The following CDH6 variants were observed in gnomAD, a reference collection of about 807,000 sequenced individuals.
CDH6 encodes cadherin-6.
Under a neutral mutation model 78.0 loss-of-function variants are expected in CDH6, and 31 were observed. The ratio of observed to expected loss-of-function variants is 0.40; its 90% CI spans 0.30 to 0.54. The LOEUF (loss-of-function observed/expected upper bound fraction) is 0.54. CDH6 is among the 20% of genes least tolerant of loss of function. CDH6 has a pLI of 0.56. For missense variants in CDH6, 724 were observed against 975.9 expected (o/e 0.74, Z 3.44); for synonymous variants, 376 against 368.8 (o/e 1.02, Z -0.23).
intron 5 of CDH6, among the ~76,000 whole-genome samples, chr5:31,301,537 A>G (rs1296719950): frequency 6.6e-6 from 1 of 152,198 alleles, no homozygotes. Context: ...AAAATTTAAG[A>G]GTCAAAAGAA....
In CDH6 at chr5:31,299,517, C is replaced by A. The variant is rs773244513; in HGVS notation, c.697C>A (p.Gln233Lys). 1.9e-5 allele frequency: 31 copies of A among 1,613,442 alleles called. No individual in the cohort carries two copies. The Middle Eastern group carries it at 6.6e-4, about 34-fold the overall frequency. The change falls in exon 5 of 12, where the codon CAA (glutamine) becomes AAA (lysine). Residue 233 changes from glutamine to lysine, a missense_variant. Physicochemically the swap from Gln to Lys is moderately conservative, Grantham distance 53 (BLOSUM62 1). Around this residue, in one of 3 missense-constraint regions of CDH6, gnomAD observed 446 missense variants for 684.5 expected, o/e 0.65. Transcript: ENST00000265071. ...NMDRENREQY[Q>K]VVIQAKDMGG... ...GGATCGAGAAAACAGGGAGCAGTAC[C>A]AAGTGGTGATTCAAGCCAAGGATAT...
intron 1 of CDH6, among the ~76,000 whole-genome samples, chr5:31,244,487 A>T (rs17475290): frequency 0.063 from 9,574 of 152,230 alleles, 491 homozygotes; most frequent in South Asian, 0.24. Context: ...GAGCTATGAA[A>T]TGTGTTCCCT....
chr5:31,303,080 T>G (rs75253431), intron 6 of CDH6, among the ~76,000 whole-genome samples: 3,826 of 152,244 alleles, frequency 0.025, 154 homozygotes, highest in African/African-American at 0.078. Context: ...CAATGAATTT[T>G]TATTAAGAAC....
intron 1 of CDH6, among the ~76,000 whole-genome samples, chr5:31,232,202 T>A (rs1741328930): frequency 6.6e-6 from 1 of 152,210 alleles, no homozygotes; most frequent in Non-Finnish European, 1.5e-5. Flanking sequence ...CTCCCATAAA[T>A]ATTTCACTTT....
intron 1 of CDH6, among the ~76,000 whole-genome samples, chr5:31,238,053 T>G (rs922750925): frequency 6.6e-6 from 1 of 152,204 alleles, no homozygotes; most frequent in Non-Finnish European, 1.5e-5. Context: ...TAATGAAAAC[T>G]TGAAGGAAGA....
chr5:31,234,982 T>C (rs1327203314), intron 1 of CDH6, among the ~76,000 whole-genome samples: 1 of 152,166 alleles, frequency 6.6e-6, no homozygotes, highest in African/African-American at 2.4e-5. Context: ...GTGTGTAATA[T>C]GAAGGCCTCC....
At position 31,267,558 on chromosome 5, in the gene CDH6, A is replaced by T; in HGVS notation, c.85A>T (p.Ser29Cys). Residue 29 changes from serine (S) to cysteine (C), a missense_variant, in exon 2 of 12, where the codon AGT becomes TGT. Physicochemically the swap from Ser to Cys is moderately radical, Grantham distance 112. Transcript: ENST00000265071. ...CTCAACTCCACTATCAAAGAGGACT[A>T]GTGGTTTCCCAGCAAAGAAAAGGGC... The part of the protein sequence containing the change: ...TLSTPLSKRT[S>C]GFPAKKRALE... 1 of 1,614,096 alleles carries T rather than the reference A, an allele frequency of 6.2e-7. No individual in the cohort carries two copies. The highest frequency in any genetic ancestry group is 8.5e-7 in the Non-Finnish European group (1 of 1,180,012).
At chr5:31,316,052 T>A (rs148920122) in intron 8 of CDH6, among the ~76,000 whole-genome samples, 156 bp from the exon 9 acceptor site, 1 of 152,356 alleles carries the variant, frequency 6.6e-6, no homozygotes, top group African/African-American at 2.4e-5. Flanking sequence ...AATCTAATTG[T>A]ACTTTTTGTG....
At chr5:31,281,254 C>T (rs1161059396) in intron 2 of CDH6, among the ~76,000 whole-genome samples, 1 of 147,210 alleles carries the variant, frequency 6.8e-6, no homozygotes, top group Non-Finnish European at 1.5e-5. Flanking sequence ...CAAATGCCTG[C>T]ATTTTATCTA....
At position 31,193,898 on chromosome 5, in the gene CDH6, C is replaced by G. The variant is rs529487143; in HGVS notation, c.-129+12C>G. On this transcript the variant is annotated intron_variant, in intron 1 of 11. Coordinates refer to ENST00000265071, the MANE Select transcript of CDH6 (RefSeq NM_004932.4). Reference sequence around the variant, plus strand: ...GAAGGCGAGCAGAGGTGGGTTCGGGCTCCGTTGGCTATGCATACATCTCCC... The same window carrying G: ...GAAGGCGAGCAGAGGTGGGTTCGGGGTCCGTTGGCTATGCATACATCTCCC... 54 of 152,530 alleles carry G rather than the reference C, an allele frequency of 3.5e-4. No homozygotes were observed. The highest frequency in any genetic ancestry group is 1.3e-3 in the African/African-American group (52 of 41,322). The allele number at this position is 152,530 out of a possible 1,614,324, so 9.4% of individuals were successfully genotyped here.
chr5:31,260,602 G>C (rs1174410225), intron 1 of CDH6, among the ~76,000 whole-genome samples: 1 of 152,102 alleles, frequency 6.6e-6, no homozygotes, highest in Non-Finnish European at 1.5e-5. Context: ...CAGAACAAGG[G>C]CAATCCTGTT....
At chr5:31,228,707 C>T (rs1404762039) in intron 1 of CDH6, among the ~76,000 whole-genome samples, 4 of 152,196 alleles carry the variant, frequency 2.6e-5, no homozygotes, top group African/African-American at 9.7e-5. Context: ...CCCTCACATG[C>T]GCAGTTCACA....
At chr5:31,321,251 G>A (rs1738471985) in intron 11 of CDH6, among the ~76,000 whole-genome samples, 1 of 132,926 alleles carries the variant, frequency 7.5e-6, no homozygotes, top group South Asian at 2.5e-4. Flanking sequence ...TAAATACCCT[G>A]AATGGTTGCA....
chr5:31,247,027 A>G (rs912077378), intron 1 of CDH6, among the ~76,000 whole-genome samples: 5 of 152,232 alleles, frequency 3.3e-5, no homozygotes, highest in Non-Finnish European at 7.3e-5. Context: ...TTGGGATTAC[A>G]GGCATGAGCT....
intron 1 of CDH6, among the ~76,000 whole-genome samples, chr5:31,197,369 T>C (rs1015248779): frequency 2.0e-5 from 3 of 152,304 alleles, no homozygotes; most frequent in East Asian, 3.9e-4. Flanking sequence ...TCCAGTTGCC[T>C]TGTGCTTCTT....
chr5:31,298,203 A>G (rs541316714), intron 4 of CDH6, among the ~76,000 whole-genome samples: 2 of 152,278 alleles, frequency 1.3e-5, no homozygotes, highest in South Asian at 2.1e-4. Context: ...TATCATTTGT[A>G]TTGTACAGTA....
intron 1 of CDH6, among the ~76,000 whole-genome samples, chr5:31,254,592 T>C (rs1742001175): frequency 6.6e-6 from 1 of 152,212 alleles, no homozygotes; most frequent in Non-Finnish European, 1.5e-5. Flanking sequence ...CTATCCTTGA[T>C]TTCAGGCACC....
chr5:31,318,041 C>A, intron 11 of CDH6, 117 bp downstream of exon 11: 2 of 1,210,244 alleles, frequency 1.7e-6, no homozygotes, highest in Non-Finnish European at 2.4e-6. Flanking sequence ...CTAGGTGAGT[C>A]GAGTTACATA....
chr5:31,209,539 C>T (rs1306349194), intron 1 of CDH6, among the ~76,000 whole-genome samples: 1 of 152,054 alleles, frequency 6.6e-6, no homozygotes, highest in Admixed American at 6.5e-5. Context: ...ACGGGAAAGG[C>T]GGTCAGAAAA....
Sources: gnomAD v4.1 joint callset for allele counts (sites outside exome capture counted in the v4.1 genomes callset) on GRCh38, gnomAD v4.1.1 for gene constraint, gnomAD v4.1.1 regional missense constraint, MANE v1.5 for transcripts, NCBI Gene and HGNC (gene_info 2026-07-23, HGNC 2026-07-21) for gene names.